Variants in AGBL4 observed in about 807,000 individuals in gnomAD.
AGBL4 encodes AGBL carboxypeptidase 4.
AGBL4 carries 58 observed loss-of-function variants against 66.4 expected under a neutral mutation model. The observed-to-expected ratio is 0.87, with a 90% CI of 0.71 to 1.09. The LOEUF (loss-of-function observed/expected upper bound fraction) is 1.09. Among genes scored for constraint, AGBL4 ranks in the 50% least tolerant of loss-of-function variants. The probability of loss-of-function intolerance (pLI) is 0.00; values close to 1 mark genes in which losing one functional copy is unlikely to be tolerated. For synonymous variants in AGBL4, 234 were observed against 222.9 expected (o/e 1.05, Z -0.44); for missense variants, 579 against 631.0 (o/e 0.92, Z 0.88).
intron 6 of AGBL4, among the ~76,000 whole-genome samples, chr1:48,688,169 A>G (rs1646564875): frequency 6.6e-6 from 1 of 152,172 alleles, no homozygotes; most frequent in Non-Finnish European, 1.5e-5. Context: ...AGGAGGCAGG[A>G]AGGAGACATT....
At chr1:49,798,355 G>T (rs974406884) in intron 2 of AGBL4, among the ~76,000 whole-genome samples, 1 of 152,078 alleles carries the variant, frequency 6.6e-6, no homozygotes, top group African/African-American at 2.4e-5. Context: ...AAGCAGTGAT[G>T]GTGTCAGTTA....
At chr1:49,308,744 G>A (rs758986300) in intron 3 of AGBL4, among the ~76,000 whole-genome samples, 5 of 152,128 alleles carry the variant, frequency 3.3e-5, no homozygotes, top group Non-Finnish European at 4.4e-5. Flanking sequence ...AAGGCAGGGT[G>A]GAAGGAATTA....
At chr1:50,022,209 C>G (rs1662495453) in intron 1 of AGBL4, among the ~76,000 whole-genome samples, 1 of 152,080 alleles carries the variant, frequency 6.6e-6, no homozygotes, top group African/African-American at 2.4e-5. Flanking sequence ...AAACAATGCC[C>G]TTGTAGAGCT....
At chr1:49,454,834 T>C (rs543207112) in intron 3 of AGBL4, among the ~76,000 whole-genome samples, 10 of 151,778 alleles carry the variant, frequency 6.6e-5, no homozygotes, top group African/African-American at 2.2e-4. Context: ...TACATGATGT[T>C]ACTAAAGCCA....
intron 1 of AGBL4, among the ~76,000 whole-genome samples, chr1:50,012,022 G>A (rs561046683): frequency 0.028 from 4,281 of 152,174 alleles, 171 homozygotes; most frequent in African/African-American, 0.097. Context: ...AGCCGGGCGC[G>A]GTGGCGGGCG....
intron 2 of AGBL4, among the ~76,000 whole-genome samples, chr1:49,815,643 G>A (rs1557474640): frequency 1.3e-5 from 2 of 151,980 alleles, no homozygotes; most frequent in Admixed American, 6.6e-5. Flanking sequence ...AGTATATGAG[G>A]GGGTCCCTTT....
At chr1:48,965,803 T>C (rs966380023) in intron 5 of AGBL4, among the ~76,000 whole-genome samples, 1 of 152,122 alleles carries the variant, frequency 6.6e-6, no homozygotes, top group African/African-American at 2.4e-5. Flanking sequence ...CAAATATAAG[T>C]AGGGGAGCCT....
At chr1:49,623,145 C>G (rs1002314313) in intron 3 of AGBL4, among the ~76,000 whole-genome samples, 1 of 152,198 alleles carries the variant, frequency 6.6e-6, no homozygotes, top group Non-Finnish European at 1.5e-5. Flanking sequence ...TCAGCTCTTC[C>G]TTGGCCTGTG....
intron 6 of AGBL4, among the ~76,000 whole-genome samples, chr1:48,768,647 T>G (rs76092393): frequency 6.6e-6 from 1 of 152,220 alleles, no homozygotes; most frequent in Non-Finnish European, 1.5e-5. Flanking sequence ...TAACTTCCAT[T>G]TGACATATAA....
intron 1 of AGBL4, among the ~76,000 whole-genome samples, chr1:49,878,808 G>C (rs1433489903): frequency 3.6e-5 from 5 of 137,468 alleles, no homozygotes; most frequent in Admixed American, 2.2e-4. Context: ...TCTCTTTGTA[G>C]GTCACTCAGG....
chr1:48,586,015 T>TTCC (rs1173845450), intron 11 of AGBL4: 1 of 152,230 alleles, frequency 6.6e-6, no homozygotes, highest in East Asian at 1.9e-4. Flanking sequence ...CTAAAGTTCC[T>TTCC]TCCTCCTCCC....
intron 3 of AGBL4, among the ~76,000 whole-genome samples, chr1:49,417,942 G>A (rs1434434985): frequency 6.6e-6 from 1 of 152,114 alleles, no homozygotes; most frequent in Non-Finnish European, 1.5e-5. Context: ...ACAGTAGAAA[G>A]GAGACTTTTC....
intron 9 of AGBL4, among the ~76,000 whole-genome samples, chr1:48,606,079 T>TA (rs1645150107): frequency 6.6e-6 from 1 of 152,126 alleles, no homozygotes; most frequent in African/African-American, 2.4e-5. Flanking sequence ...ATCATGGAGA[T>TA]AAAAATCACA....
intron 4 of AGBL4, among the ~76,000 whole-genome samples, chr1:49,124,310 AG>A (rs1232020084): frequency 2.0e-5 from 3 of 152,238 alleles, no homozygotes; most frequent in African/African-American, 7.2e-5. Context: ...AATGAAGAAC[AG>A]AAAGGTAAGG....
chr1:49,621,996 G>A (rs897878203), intron 3 of AGBL4, among the ~76,000 whole-genome samples: 4 of 152,180 alleles, frequency 2.6e-5, no homozygotes, highest in Non-Finnish European at 5.9e-5. Context: ...AAAGACTCAA[G>A]AAATGCCACT....
In AGBL4 at chr1:49,766,064, G is replaced by A. The variant is rs141411655; in HGVS notation, c.158-68627C>T. Among the ~76,000 whole-genome samples the A allele has an allele frequency of 1.8e-4, 27 of 152,230 alleles. No individual in the cohort carries two copies. In the South Asian group the frequency reaches 4.3e-3, roughly 25 times the overall value. ...CCCTAATCTTGCTACAGAGGTAGCC[G>A]GATAAAAACTAATCCAGAGTACATC... On this transcript the variant is annotated intron_variant, in intron 2 of 13. Transcript: ENST00000371839.
intron 6 of AGBL4, among the ~76,000 whole-genome samples, chr1:48,762,656 G>GTGTA (rs1553227963): frequency 0.19 from 25,773 of 138,158 alleles, 2,383 homozygotes; most frequent in Admixed American, 0.21. Context: ...GTGTGTGTGT[G>GTGTA]TGTATGTATT....
chr1:49,067,301 T>C (rs1644509019), intron 4 of AGBL4, among the ~76,000 whole-genome samples: 1 of 152,174 alleles, frequency 6.6e-6, no homozygotes, highest in Non-Finnish European at 1.5e-5. Context: ...GAAAGGATTT[T>C]TTTAAGGTAA....
At chr1:48,815,521 T>G (rs1194228498) in intron 6 of AGBL4, among the ~76,000 whole-genome samples, 2 of 152,158 alleles carry the variant, frequency 1.3e-5, no homozygotes, top group Non-Finnish European at 2.9e-5. Context: ...TTTCAACAAG[T>G]GACTTCACTC....
Sources: allele counts gnomAD v4.1 joint callset (sites outside exome capture counted in the v4.1 genomes callset), GRCh38; gene constraint gnomAD v4.1.1; transcripts MANE v1.5; gene names NCBI Gene and HGNC (gene_info 2026-07-23, HGNC 2026-07-21).